The following IFT88 variants were observed in gnomAD, a reference collection of about 807,000 sequenced individuals.
The protein encoded by IFT88 is intraflagellar transport 88, also known as intraflagellar transport protein 88 homolog.
A neutral mutation model predicts 119.5 loss-of-function variants in IFT88; 74 were observed. The ratio of observed to expected loss-of-function variants is 0.62; its 90% CI spans 0.51 to 0.75. The LOEUF (loss-of-function observed/expected upper bound fraction) is 0.75, where lower values mean the gene tolerates loss of function less well. Ranked by LOEUF, IFT88 falls within the 30% of genes least tolerant of loss-of-function variation. The pLI is 0.00. For synonymous variants in IFT88, 279 were observed against 316.7 expected (o/e 0.88, Z 1.26); for missense variants, 961 against 977.7 (o/e 0.98, Z 0.23).
chr13:20,622,649 G>T (rs910662666), intron 14 of IFT88, among the ~76,000 whole-genome samples: 1 of 152,092 alleles, frequency 6.6e-6, no homozygotes, highest in Non-Finnish European at 1.5e-5. Flanking sequence ...GTTTGTTCAG[G>T]TCCTTTAACA....
intron 16 of IFT88, chr13:20,631,592 G>C (rs113405834): frequency 8.5e-5 from 13 of 153,090 alleles, no homozygotes; most frequent in African/African-American, 2.7e-4. Context: ...AAGGTTTAAA[G>C]TAGAGAACAA....
chr13:20,574,090 G>T (rs1359896325), intron 1 of IFT88, among the ~76,000 whole-genome samples: 2 of 152,142 alleles, frequency 1.3e-5, no homozygotes, highest in African/African-American at 2.4e-5. Context: ...ATTTTGGGAG[G>T]CCAAAGTGAG....
chr13:20,632,533 G>A (rs1010269579), intron 16 of IFT88, among the ~76,000 whole-genome samples: 3 of 152,162 alleles, frequency 2.0e-5, no homozygotes, highest in Non-Finnish European at 4.4e-5. Flanking sequence ...ATAATGGCGT[G>A]GGAATGGTCT....
At chr13:20,627,319 G>A (rs1047017735) in intron 15 of IFT88, among the ~76,000 whole-genome samples, 1 of 152,160 alleles carries the variant, frequency 6.6e-6, no homozygotes, top group African/African-American at 2.4e-5. Context: ...TCTTGCTAAA[G>A]TGCTATATGG....
chr13:20,641,715 A>G (rs1404666070), intron 18 of IFT88: 2 of 193,446 alleles, frequency 1.0e-5, no homozygotes, highest in Non-Finnish European at 2.1e-5. Flanking sequence ...AGAACGTTGT[A>G]TTAATTCTGA....
At chr13:20,624,773 A>G (rs1566243838) in intron 14 of IFT88, among the ~76,000 whole-genome samples, 1 of 152,184 alleles carries the variant, frequency 6.6e-6, no homozygotes, top group Non-Finnish European at 1.5e-5. Flanking sequence ...ACACTTGCTC[A>G]GGCTGGAGTG....
chr13:20,621,345 G>A (rs1351748956), intron 14 of IFT88, among the ~76,000 whole-genome samples: 1 of 152,032 alleles, frequency 6.6e-6, no homozygotes, highest in Non-Finnish European at 1.5e-5. Context: ...GGGATTACAG[G>A]CGTGAGCCAC....
intron 13 of IFT88, chr13:20,608,113 C>T: frequency 2.2e-6 from 1 of 463,718 alleles, no homozygotes; most frequent in Non-Finnish European, 4.3e-6. Context: ...GTACAGCTGG[C>T]AGAGCTACCC....
chr13:20,688,307 A>T (rs890818823), intron 24 of IFT88, among the ~76,000 whole-genome samples: 2 of 152,232 alleles, frequency 1.3e-5, no homozygotes, highest in Admixed American at 6.5e-5. Flanking sequence ...AGATCACACC[A>T]TCGCACTCCA....
intron 1 of IFT88, among the ~76,000 whole-genome samples, chr13:20,571,990 A>T (rs1012822667): frequency 6.6e-6 from 1 of 152,062 alleles, no homozygotes; most frequent in African/African-American, 2.4e-5. Context: ...AATGACTCAA[A>T]TTTGTATGAT....
chr13:20,661,927 T>C lies in IFT88; in HGVS notation c.2069-1571T>C, dbSNP rs1385932723. On this transcript the variant is annotated intron_variant, in intron 22 of 25. Coordinates refer to ENST00000351808, the MANE Select transcript of IFT88 (RefSeq NM_006531.5). ...AGGCATCAGAAAATGGGAGGGGTGCTGGCTGCTTCTGAAAACAGGAGGGTT... is the reference window on the plus strand; with the variant it reads ...AGGCATCAGAAAATGGGAGGGGTGCCGGCTGCTTCTGAAAACAGGAGGGTT... 5.3e-4 allele frequency among the ~76,000 whole-genome samples: 81 copies of C among 152,222 alleles called. 1 individual carries two copies. Among genetic ancestry groups the C allele is most frequent in the Non-Finnish European group, 7.4e-5 (5 of 68,010 alleles).
In IFT88 at chr13:20,690,899, C is replaced by G. The variant is rs2058407652; in HGVS notation, c.2353+84C>G. On this transcript the variant is annotated intron_variant, in intron 25 of 25. Transcript: ENST00000351808. ...TGGCCAAAAGGTGTTGCTGGGAATT[C>G]TTAAGAATTTGATATTTACAGATAA... 1.2e-5 allele frequency: 17 copies of G among 1,388,202 alleles called. 1 individual carries two copies. The South Asian group carries it at 1.8e-4, about 15-fold the overall frequency. The allele number at this position is 1,388,202 out of a possible 1,614,324, so 86.0% of individuals were successfully genotyped here.
chr13:20,607,677 G>A (rs1470202694), intron 13 of IFT88: 18 of 879,832 alleles, frequency 2.0e-5, no homozygotes, highest in Middle Eastern at 3.0e-4. Context: ...TTCCTGGTCA[G>A]CAGCGACTTG....
At chr13:20,632,833 GA>G (rs1438074842) in intron 16 of IFT88, among the ~76,000 whole-genome samples, 1 of 152,064 alleles carries the variant, frequency 6.6e-6, no homozygotes, top group African/African-American at 2.4e-5. Flanking sequence ...TAACAAATGA[GA>G]AAAAAAGTCA....
intron 16 of IFT88, among the ~76,000 whole-genome samples, chr13:20,637,901 T>C (rs1296820817): frequency 2.0e-5 from 3 of 152,176 alleles, no homozygotes; most frequent in Non-Finnish European, 4.4e-5. Context: ...ACCGAGCATT[T>C]GGCATGGAGA....
intron 2 of IFT88, among the ~76,000 whole-genome samples, chr13:20,580,251 C>T (rs2038296171): frequency 6.6e-6 from 1 of 152,142 alleles, no homozygotes; most frequent in South Asian, 2.1e-4. Flanking sequence ...GACGCGGGGA[C>T]TCACACCTAT....
At chr13:20,602,104 C>T (rs2042681835) in intron 12 of IFT88, among the ~76,000 whole-genome samples, 171 bp downstream of exon 12, 1 of 151,324 alleles carries the variant, frequency 6.6e-6, no homozygotes, top group Non-Finnish European at 1.5e-5. Flanking sequence ...GAGAATGAGA[C>T]TCTATTGAAA....
Position 20,631,034 on chromosome 13 carries a change from G to A in IFT88, c.1318G>A (p.Val440Met). 1.9e-6 allele frequency: 3 copies of A among 1,594,264 alleles called. No individual in the cohort carries two copies. The highest frequency in any genetic ancestry group is 2.6e-6 in the Non-Finnish European group (3 of 1,162,054). The change falls in exon 16 of 26, where the codon GTG (valine) becomes ATG (methionine). Residue 440 changes from valine (V) to methionine (M), a missense_variant. Physicochemically the swap from Val to Met is conservative, Grantham distance 21. Coordinates refer to ENST00000351808, the MANE Select transcript of IFT88 (RefSeq NM_006531.5). ...TTTCTAGGCTGTAGAGATCTTAAAAGTGTTGGAAAAAAAGGACAGTAGAGT... is the reference window on the plus strand; with the variant it reads ...TTTCTAGGCTGTAGAGATCTTAAAAATGTTGGAAAAAAAGGACAGTAGAGT... The part of the protein sequence containing the change: ...DYNQAVEILK[V>M]LEKKDSRVKS...
intron 24 of IFT88, among the ~76,000 whole-genome samples, chr13:20,671,330 G>A (rs753592023): frequency 8.5e-5 from 13 of 152,124 alleles, no homozygotes; most frequent in South Asian, 6.2e-4. Flanking sequence ...ATAGATGGGC[G>A]TACTTATGAG....
Sources: allele counts gnomAD v4.1 joint callset (sites outside exome capture counted in the v4.1 genomes callset), GRCh38; gene constraint gnomAD v4.1.1; transcripts MANE v1.5; gene names NCBI Gene and HGNC (gene_info 2026-07-23, HGNC 2026-07-21).